Variants in SYT16 observed in about 807,000 individuals in gnomAD.
SYT16 encodes the protein synaptotagmin 16, also known as synaptotagmin-16.
Under a neutral mutation model 61.4 loss-of-function variants are expected in SYT16, and 42 were observed. The observed-to-expected ratio is 0.68, with a 90% confidence interval of 0.53 to 0.89. SYT16 has a LOEUF of 0.89. Among genes scored for constraint, SYT16 ranks in the 40% least tolerant of loss-of-function variants. The probability of loss-of-function intolerance (pLI) is 0.00; values close to 1 mark genes in which losing one functional copy is unlikely to be tolerated. For synonymous variants in SYT16, 314 were observed against 302.3 expected (o/e 1.04, Z -0.40); for missense variants, 804 against 807.3 (o/e 1.00, Z 0.05).
chr14:62,026,159 A>G (rs2054095004), intron 3 of SYT16, among the ~76,000 whole-genome samples: 1 of 152,108 alleles, frequency 6.6e-6, no homozygotes, highest in Admixed American at 6.6e-5. Context: ...TTGCTTAGCA[A>G]CCTGCCCTTT....
In SYT16 at chr14:62,065,851, A is replaced by C. The variant is rs147808760; in HGVS notation, c.524-3752A>C. On this transcript the variant is annotated intron_variant, in intron 3 of 7. Transcript: ENST00000683842. ...AGTGCTATGCCCAGCACATGGAGGC[A>C]TGAAGAGACTGGTCATTATGGTGGT... 8.9e-4 allele frequency among the ~76,000 whole-genome samples: 136 copies of C among 152,312 alleles called. 3 individuals are homozygous for C. Among genetic ancestry groups the C allele is most frequent in the Non-Finnish European group, 1.3e-3 (89 of 68,020 alleles).
chr14:61,988,372 CT>C (rs1424773480), intron 2 of SYT16, among the ~76,000 whole-genome samples: 1 of 152,164 alleles, frequency 6.6e-6, no homozygotes, highest in Non-Finnish European at 1.5e-5. Flanking sequence ...AATAGTCCCC[CT>C]GGAGATGCTG....
intron 3 of SYT16, among the ~76,000 whole-genome samples, chr14:62,007,351 A>G (rs1298185781): frequency 6.6e-6 from 1 of 152,192 alleles, no homozygotes; most frequent in Non-Finnish European, 1.5e-5. Context: ...TTCATTTGAT[A>G]GTATTTGCCA....
intron 5 of SYT16, 145 bp downstream of exon 5, chr14:62,075,536 C>T: frequency 1.2e-6 from 1 of 813,736 alleles, no homozygotes; most frequent in Non-Finnish European, 1.7e-6. Context: ...TCCAGATGAC[C>T]AAAATCCCAT....
chr14:61,859,285 TC>T (rs2046890966), intron 1 of SYT16, among the ~76,000 whole-genome samples: 1 of 152,030 alleles, frequency 6.6e-6, no homozygotes, highest in Admixed American at 6.6e-5. Flanking sequence ...GGCTCCATCT[TC>T]CTTTAGGTGC....
chr14:61,914,388 A>T (rs2049041762), intron 1 of SYT16, among the ~76,000 whole-genome samples: 1 of 152,184 alleles, frequency 6.6e-6, no homozygotes, highest in African/African-American at 2.4e-5. Flanking sequence ...AGTCCCATGC[A>T]CACTATTTTA....
chr14:61,979,036 C>G (rs1159555270), intron 2 of SYT16, among the ~76,000 whole-genome samples: 1 of 152,180 alleles, frequency 6.6e-6, no homozygotes, highest in African/African-American at 2.4e-5. Context: ...ATCTCTGTAT[C>G]TTTCAGGATC....
chr14:61,958,422 C>A (rs1001725428), intron 1 of SYT16, among the ~76,000 whole-genome samples: 3 of 151,802 alleles, frequency 2.0e-5, no homozygotes. Flanking sequence ...TTAAACTTCT[C>A]TTCTAGTACT....
chr14:61,831,860 C>G (rs542349573), intron 1 of SYT16: 1 of 440,392 alleles, frequency 2.3e-6, no homozygotes, highest in South Asian at 2.2e-5. Flanking sequence ...GACAGCATCT[C>G]TCACTTCTTC....
intron 1 of SYT16, among the ~76,000 whole-genome samples, chr14:61,892,743 G>A (rs7149950): frequency 1.3e-5 from 2 of 152,178 alleles, no homozygotes; most frequent in Non-Finnish European, 2.9e-5. Flanking sequence ...GTACATCAGA[G>A]TGCTGGAGAA....
chr14:62,049,263 T>C (rs1477369157), intron 3 of SYT16, among the ~76,000 whole-genome samples: 2 of 152,318 alleles, frequency 1.3e-5, no homozygotes, highest in African/African-American at 4.8e-5. Flanking sequence ...TCTTTGTTGG[T>C]TTAAAGTCTG....
At chr14:61,831,898 G>A in intron 1 of SYT16, 1 of 485,208 alleles carries the variant, frequency 2.1e-6, no homozygotes, top group Non-Finnish European at 4.0e-6. Context: ...GTCCCACTTG[G>A]CTGGCGAAGC....
At chr14:61,964,318 A>T (rs2051224657) in intron 1 of SYT16, among the ~76,000 whole-genome samples, 1 of 152,208 alleles carries the variant, frequency 6.6e-6, no homozygotes, top group Non-Finnish European at 1.5e-5. Context: ...GGGAGGTCAA[A>T]ATATCAATAT....
intron 1 of SYT16, among the ~76,000 whole-genome samples, chr14:61,956,163 T>G (rs918027376): frequency 2.6e-5 from 4 of 152,020 alleles, no homozygotes; most frequent in African/African-American, 7.2e-5. Context: ...ATGTTTGCTA[T>G]TTAGTTTTAG....
At chr14:61,830,509 C>A (rs139026477) in intron 1 of SYT16, among the ~76,000 whole-genome samples, 22 of 152,272 alleles carry the variant, frequency 1.4e-4, no homozygotes, top group African/African-American at 4.8e-4. Flanking sequence ...TATTTCTCAC[C>A]GTAGTTCAGT....
chr14:61,889,844 C>T (rs1474697507), intron 1 of SYT16, among the ~76,000 whole-genome samples: 1 of 151,896 alleles, frequency 6.6e-6, no homozygotes, highest in African/African-American at 2.4e-5. Flanking sequence ...TTTATACCAA[C>T]ACAAAACAGA....
intron 3 of SYT16, among the ~76,000 whole-genome samples, chr14:62,040,732 A>G (rs578053663): frequency 3.9e-5 from 6 of 152,244 alleles, no homozygotes; most frequent in African/African-American, 1.4e-4. Flanking sequence ...CTTTTAAAAA[A>G]TATATTATTT....
chr14:62,032,558 T>C (rs2054348417), intron 3 of SYT16, among the ~76,000 whole-genome samples: 1 of 152,078 alleles, frequency 6.6e-6, no homozygotes. Flanking sequence ...TATTTGAGCT[T>C]ATAAAAATGA....
intron 3 of SYT16, among the ~76,000 whole-genome samples, chr14:62,068,046 T>C (rs2056134878): frequency 6.6e-6 from 1 of 152,160 alleles, no homozygotes; most frequent in Admixed American, 6.5e-5. Flanking sequence ...ATCTTCTGGG[T>C]ATATACCTAA....
Sources: gnomAD v4.1 joint callset for allele counts (sites outside exome capture counted in the v4.1 genomes callset) on GRCh38, gnomAD v4.1.1 for gene constraint, MANE v1.5 for transcripts, NCBI Gene and HGNC (gene_info 2026-07-23, HGNC 2026-07-21) for gene names.